The following ATP2B4 variants were observed in gnomAD, a reference collection of about 807,000 sequenced individuals.
ATP2B4 encodes plasma membrane calcium-transporting ATPase 4.
Under a neutral mutation model 110.3 loss-of-function variants are expected in ATP2B4, and 39 were observed. That is an observed-to-expected ratio of 0.35 (90% CI 0.27 to 0.46). The LOEUF (loss-of-function observed/expected upper bound fraction) is 0.46. Ranked by LOEUF, ATP2B4 falls within the 20% of genes least tolerant of loss-of-function variation. The pLI is 1.00. For missense variants in ATP2B4, 1,135 were observed against 1,530.9 expected (o/e 0.74, Z 4.32); for synonymous variants, 538 against 571.7 (o/e 0.94, Z 0.84).
intron 1 of ATP2B4, among the ~76,000 whole-genome samples, chr1:203,658,404 G>T (rs1023169336): frequency 1.3e-5 from 2 of 151,350 alleles, no homozygotes; most frequent in Non-Finnish European, 2.9e-5. Flanking sequence ...GATGATGCAG[G>T]CCTGTAGTCC....
At position 203,713,189 on chromosome 1, in the gene ATP2B4, A is replaced by T; in HGVS notation, c.2236A>T (p.Ile746Phe). The change falls in exon 14 of 21, where the codon ATC becomes TTC. Residue 746 changes from isoleucine to phenylalanine, a missense_variant. This residue lies in a region of ATP2B4 where 368 missense variants were observed against 455.9 expected (regional missense o/e 0.81). Coordinates refer to ENST00000357681, the MANE Select transcript of ATP2B4 (RefSeq NM_001684.5). Reference sequence around the variant, plus strand: ...GGTAGAGCAAGAAAAGCTGGACAAGATCTGGCCTAAGCTTCGGGTCCTGGC... The same window carrying T: ...GGTAGAGCAAGAAAAGCTGGACAAGTTCTGGCCTAAGCTTCGGGTCCTGGC... ...GEVEQEKLDK[I>F]WPKLRVLARS... is the part of the protein sequence containing the mutation. 6.2e-7 allele frequency: 1 copy of T among 1,614,194 alleles called. No homozygotes were observed. Among genetic ancestry groups the T allele is most frequent in the Admixed American group, 1.7e-5 (1 of 60,016 alleles).
intron 6 of ATP2B4, among the ~76,000 whole-genome samples, chr1:203,701,686 C>T (rs1044916231): frequency 2.6e-5 from 4 of 152,218 alleles, no homozygotes; most frequent in East Asian, 1.9e-4. Flanking sequence ...TGAAGTAACA[C>T]GGAGACACCT....
In ATP2B4 at chr1:203,713,214, C is replaced by T. The variant is rs767504305; in HGVS notation, c.2261C>T (p.Ala754Val). 3.1e-6 allele frequency: 5 copies of T among 1,613,996 alleles called. No individual in the cohort carries two copies. Among genetic ancestry groups the T allele is most frequent in the African/African-American group, 1.3e-5 (1 of 74,900 alleles). Reference sequence around the variant, plus strand: ...ATCTGGCCTAAGCTTCGGGTCCTGGCGCGATCTTCTCCCACTGACAAGCAC... The same window carrying T: ...ATCTGGCCTAAGCTTCGGGTCCTGGTGCGATCTTCTCCCACTGACAAGCAC... Reference protein sequence around the residue: ...DKIWPKLRVLARSSPTDKHTL... With the variant: ...DKIWPKLRVLVRSSPTDKHTL... Residue 754 changes from alanine (A) to valine (V), a missense_variant, in exon 14 of 21, where the codon GCG (alanine) becomes GTG (valine). This residue lies in a region of ATP2B4 where 368 missense variants were observed against 455.9 expected (regional missense o/e 0.81). Transcript: ENST00000357681.
chr1:203,703,164 C>CGAGAGA (rs144760902), intron 7 of ATP2B4, among the ~76,000 whole-genome samples: 2,508 of 145,216 alleles, frequency 0.017, 67 homozygotes, highest in African/African-American at 0.054. Flanking sequence ...CCCTGACAAT[C>CGAGAGA]GAGAGAGAGA....
At chr1:203,691,652 C>T (rs1269053444) in intron 2 of ATP2B4, among the ~76,000 whole-genome samples, 2 of 152,156 alleles carry the variant, frequency 1.3e-5, no homozygotes, top group African/African-American at 4.8e-5. Flanking sequence ...GACCTTGAAT[C>T]AACTGCTTTA....
At chr1:203,699,865 T>C in intron 4 of ATP2B4, 148 bp downstream of exon 4, 1 of 1,369,838 alleles carries the variant, frequency 7.3e-7, no homozygotes, top group Non-Finnish European at 9.9e-7. Flanking sequence ...TTTAAAGAGG[T>C]TGTGGGAAGC....
At position 203,712,038 on chromosome 1, in the gene ATP2B4, C is replaced by T. The variant is rs1437951632; in HGVS notation, c.2110C>T (p.Arg704Trp). The T allele has an allele frequency of 2.4e-5, 38 of 1,614,062 alleles. No homozygotes were observed. The highest frequency in any genetic ancestry group is 3.1e-5 in the Non-Finnish European group (36 of 1,180,028). ...GACAGGTGACAACATCAACACAGCC[C>T]GGGCCATTGCCACCAAATGTGGCAT... ...MVTGDNINTA[R>W]AIATKCGILT... Residue 704 changes from arginine (R) to tryptophan (W), a missense_variant, in exon 13 of 21, where the codon CGG (arginine) becomes TGG (tryptophan). Coordinates refer to ENST00000357681, the MANE Select transcript of ATP2B4 (RefSeq NM_001684.5).
intron 2 of ATP2B4, among the ~76,000 whole-genome samples, chr1:203,683,700 G>A (rs1292035063): frequency 8.4e-6 from 1 of 119,212 alleles, no homozygotes; most frequent in Non-Finnish European, 1.7e-5. Context: ...GTGAGACAGG[G>A]TCCTGCTCTT....
At chr1:203,703,545 A>C in intron 7 of ATP2B4, 107 bp from the exon 8 acceptor site, 2 of 1,319,590 alleles carry the variant, frequency 1.5e-6, no homozygotes, top group Non-Finnish European at 2.1e-6. Flanking sequence ...TCAGGGTCCA[A>C]GGTATATTCC....
intron 2 of ATP2B4, among the ~76,000 whole-genome samples, chr1:203,687,298 GA>G (rs1253093596): frequency 6.6e-5 from 10 of 151,396 alleles, no homozygotes; most frequent in Admixed American, 5.9e-4. Context: ...AAGAAAGAAA[GA>G]AAAAAAAGAA....
chr1:203,727,247 TG>T, intron 19 of ATP2B4, 147 bp from the exon 20 acceptor site: 1 of 880,270 alleles, frequency 1.1e-6, no homozygotes, highest in East Asian at 2.7e-5. Context: ...CTTGCCTGGA[TG>T]GATTGGTGCT....
intron 20 of ATP2B4, 66 bp from the exon 21 acceptor site, chr1:203,739,480 C>A (rs1666950873): frequency 6.6e-7 from 1 of 1,506,430 alleles, no homozygotes; most frequent in Non-Finnish European, 9.0e-7. Context: ...TCCACCATCT[C>A]CTTGTTCTGC....
intron 15 of ATP2B4, 90 bp downstream of exon 15, chr1:203,714,367 C>A: frequency 7.4e-7 from 1 of 1,360,530 alleles, no homozygotes; most frequent in Non-Finnish European, 1.0e-6. Flanking sequence ...GCTTGCTACA[C>A]CTGCATAGCC....
At chr1:203,734,282 C>T (rs957391900) in intron 20 of ATP2B4, among the ~76,000 whole-genome samples, 4 of 148,020 alleles carry the variant, frequency 2.7e-5, no homozygotes, top group Admixed American at 6.7e-5. Flanking sequence ...CCACCCTGGG[C>T]GATAGAGCAA....
intron 1 of ATP2B4, among the ~76,000 whole-genome samples, chr1:203,640,475 G>A (rs560727059): frequency 1.3e-5 from 2 of 151,872 alleles, no homozygotes; most frequent in Non-Finnish European, 2.9e-5. Flanking sequence ...GTGCCACCAT[G>A]CCCAGCTAAT....
At chr1:203,690,956 T>A (rs1319148889) in intron 2 of ATP2B4, among the ~76,000 whole-genome samples, 2 of 152,190 alleles carry the variant, frequency 1.3e-5, no homozygotes, top group Non-Finnish European at 2.9e-5. Flanking sequence ...TTGAGTTTCA[T>A]GCCTAGGGCT....
chr1:203,721,654 CTT>C (rs940034577), intron 17 of ATP2B4, among the ~76,000 whole-genome samples: 3 of 116,616 alleles, frequency 2.6e-5, no homozygotes, highest in Admixed American at 8.5e-5. Context: ...TTCTTTCTTT[CTT>C]TTTTTTTTTT....
At chr1:203,706,964 G>C (rs1370610222) in intron 8 of ATP2B4, 45 bp from the exon 9 acceptor site, 2 of 1,551,706 alleles carry the variant, frequency 1.3e-6, no homozygotes, top group Non-Finnish European at 1.8e-6. Flanking sequence ...AGGGCCCTAG[G>C]ACTGCCCTCC....
At chr1:203,645,287 C>G (rs1397730442) in intron 1 of ATP2B4, among the ~76,000 whole-genome samples, 1 of 152,208 alleles carries the variant, frequency 6.6e-6, no homozygotes, top group Non-Finnish European at 1.5e-5. Flanking sequence ...GACTCAGCCC[C>G]TGTCATCCTG....
Sources: allele counts gnomAD v4.1 joint callset (sites outside exome capture counted in the v4.1 genomes callset), GRCh38; gene constraint gnomAD v4.1.1; regional missense constraint gnomAD v4.1.1; transcripts MANE v1.5; gene names NCBI Gene and HGNC (gene_info 2026-07-23, HGNC 2026-07-21).